Variants in SSH2 observed in about 807,000 individuals in gnomAD.
SSH2 encodes the protein slingshot protein phosphatase 2, also known as protein phosphatase Slingshot homolog 2.
Under a neutral mutation model 135.2 loss-of-function variants are expected in SSH2, and 37 were observed. The ratio of observed to expected loss-of-function variants is 0.27; its 90% CI spans 0.21 to 0.36. The LOEUF (loss-of-function observed/expected upper bound fraction) is 0.36. Among genes scored for constraint, SSH2 ranks in the 10% least tolerant of loss-of-function variants. The pLI is 1.00. For synonymous variants in SSH2, 628 were observed against 646.2 expected, an observed-to-expected ratio of 0.97 and a Z score of 0.43; for missense variants, 1,408 against 1,765.3, an observed-to-expected ratio of 0.80 and a Z score of 3.63.
At chr17:29,809,244 ACT>A (rs2151324010) in intron 2 of SSH2, among the ~76,000 whole-genome samples, 1 of 152,260 alleles carries the variant, frequency 6.6e-6, no homozygotes, top group East Asian at 1.9e-4. Flanking sequence ...ACAGAGTGAG[ACT>A]CTGTCTCTAA....
chr17:29,837,239 G>A (rs571732217), intron 2 of SSH2, among the ~76,000 whole-genome samples: 4 of 149,804 alleles, frequency 2.7e-5, no homozygotes, highest in African/African-American at 4.9e-5. Context: ...CCTAGGTGAC[G>A]CAACAGAGTG....
At chr17:29,870,474 T>G (rs1297334460) in intron 1 of SSH2, among the ~76,000 whole-genome samples, 1 of 152,192 alleles carries the variant, frequency 6.6e-6, no homozygotes, top group East Asian at 1.9e-4. Context: ...ATACCCTTTA[T>G]GAGGTTTTGA....
intron 9 of SSH2, among the ~76,000 whole-genome samples, chr17:29,670,349 C>T (rs1305405210): frequency 6.6e-6 from 1 of 152,146 alleles, no homozygotes; most frequent in Non-Finnish European, 1.5e-5. Flanking sequence ...TCCCATGAAC[C>T]TTTATCTTTT....
At chr17:29,776,297 T>G (rs1423572700) in intron 3 of SSH2, 1 of 152,152 alleles carries the variant, frequency 6.6e-6, no homozygotes, top group Non-Finnish European at 1.5e-5. Flanking sequence ...CTTCAGGACG[T>G]GAGAAAAATA....
chr17:29,791,836 C>T (rs1443359215), intron 3 of SSH2, among the ~76,000 whole-genome samples: 1 of 151,734 alleles, frequency 6.6e-6, no homozygotes, highest in African/African-American at 2.4e-5. Context: ...TAGAAGAAGC[C>T]TGCAAAAACC....
At chr17:29,836,528 T>A (rs1349966509) in intron 2 of SSH2, among the ~76,000 whole-genome samples, 1 of 152,142 alleles carries the variant, frequency 6.6e-6, no homozygotes, top group Non-Finnish European at 1.5e-5. Flanking sequence ...AACAAGAATA[T>A]CTCTTCTAGA....
chr17:29,778,358 G>T (rs932260998), intron 3 of SSH2, among the ~76,000 whole-genome samples: 1 of 152,156 alleles, frequency 6.6e-6, no homozygotes, highest in Non-Finnish European at 1.5e-5. Flanking sequence ...CATGTAGCCT[G>T]GATGGGCGTG....
chr17:29,675,311 CT>C (rs940461256), intron 8 of SSH2, among the ~76,000 whole-genome samples: 4 of 152,104 alleles, frequency 2.6e-5, no homozygotes, highest in African/African-American at 9.7e-5. Context: ...TCCCTGGGGT[CT>C]TTTTCAGGCT....
intron 6 of SSH2, among the ~76,000 whole-genome samples, chr17:29,678,709 A>ATT (rs1555610338): frequency 5.8e-5 from 3 of 52,088 alleles, no homozygotes; most frequent in Non-Finnish European, 1.1e-4. Flanking sequence ...TAAAAATACT[A>ATT]TTTCTTTTTT....
chr17:29,631,133 AGTT>A lies in SSH2; in HGVS notation c.4058_4060del (p.Gln1353del). On this transcript the variant is annotated inframe_deletion, in exon 16 of 16. Coordinates refer to ENST00000540801, the MANE Select transcript of SSH2 (RefSeq NM_001282129.2). ...CTGCACAATACACTCTGTTGTTGTG[AGTT>A]GTTCTACAAAAGACTTGGTGGGCTC... 1 of 1,614,094 alleles carries A rather than the reference AGTT, an allele frequency of 6.2e-7. No individual in the cohort carries two copies. The highest frequency in any genetic ancestry group is 8.5e-7 in the Non-Finnish European group (1 of 1,180,026).
In SSH2 at chr17:29,629,791, A is replaced by C. The variant is rs1243791022; in HGVS notation, c.*1050T>G. 1 of 152,604 alleles carries C rather than the reference A, an allele frequency of 6.6e-6. No individual in the cohort carries two copies. The highest frequency in any genetic ancestry group is 1.5e-5 in the Non-Finnish European group (1 of 68,030). The allele number at this position is 152,604 out of a possible 1,614,324, so 9.5% of individuals were successfully genotyped here. A position where few individuals can be genotyped will look rare whatever the true frequency, so the allele number is the denominator to read the frequency against. On this transcript the variant is annotated 3_prime_UTR_variant, in exon 16 of 16. Transcript: ENST00000540801. ...GTTAAACATATGTAACAATTCAAATATAATCTATGAAATTTAAAAAAATAG... is the reference window on the plus strand; with the variant it reads ...GTTAAACATATGTAACAATTCAAATCTAATCTATGAAATTTAAAAAAATAG...
chr17:29,891,072 G>A (rs900143016), intron 1 of SSH2, among the ~76,000 whole-genome samples: 2 of 152,122 alleles, frequency 1.3e-5, no homozygotes, highest in Non-Finnish European at 2.9e-5. Context: ...ATCTTTAAAA[G>A]ATCATCCTGT....
chr17:29,842,139 G>GGGGGGT lies in SSH2; in HGVS notation c.144+6709_144+6710insACCCCC, dbSNP rs79157063. The stretch of plus-strand genomic sequence containing the variant: ...TCACAGAGATCCTGATTTAACTGGA[G>GGGGGGT]GAGACCCTGTTATTAATTTAAAAGA... On this transcript the variant is annotated intron_variant, in intron 2 of 15. Transcript: ENST00000540801. Among the ~76,000 whole-genome samples the GGGGGGT allele has an allele frequency of 3.3e-5, 5 of 150,862 alleles. No homozygotes were observed. The East Asian group carries it at 7.8e-4, about 24-fold the overall frequency.
At chr17:29,920,701 C>CT in intron 1 of SSH2, among the ~76,000 whole-genome samples, 1 of 152,032 alleles carries the variant, frequency 6.6e-6, no homozygotes, top group Non-Finnish European at 1.5e-5. Flanking sequence ...AAAAATAATA[C>CT]TATAAATAGC....
intron 3 of SSH2, among the ~76,000 whole-genome samples, chr17:29,720,428 T>C (rs2151165630): frequency 6.6e-6 from 1 of 152,346 alleles, no homozygotes; most frequent in East Asian, 1.9e-4. Flanking sequence ...AAAAATATAT[T>C]GCCAGTAGGA....
rs188719772 is a variant in SSH2, at chr17:29,683,362, T to C, written c.479+1201A>G. On this transcript the variant is annotated intron_variant, in intron 6 of 15. Transcript: ENST00000540801. The stretch of plus-strand genomic sequence containing the variant: ...AAAAGGCCAGGTGTTGTGTGTCATC[T>C]TTCATCATAGAATGTAAAGTACAGC... Among the ~76,000 whole-genome samples the C allele has an allele frequency of 3.5e-4, 54 of 152,300 alleles. 1 individual carries two copies. Among genetic ancestry groups the C allele is most frequent in the Admixed American group, 3.4e-3 (52 of 15,288 alleles).
intron 9 of SSH2, among the ~76,000 whole-genome samples, chr17:29,669,875 T>C (rs1302919242): frequency 2.0e-5 from 3 of 150,556 alleles, no homozygotes; most frequent in Non-Finnish European, 3.0e-5. Context: ...TCTTCTCTAA[T>C]AAAATCTTTT....
chr17:29,857,898 CT>C (rs1275149318), intron 1 of SSH2, among the ~76,000 whole-genome samples: 3 of 152,226 alleles, frequency 2.0e-5, no homozygotes, highest in Non-Finnish European at 4.4e-5. Context: ...TCATTTCCCC[CT>C]ATTCCAACCC....
At chr17:29,783,070 G>A (rs1260867944) in intron 3 of SSH2, among the ~76,000 whole-genome samples, 1 of 151,960 alleles carries the variant, frequency 6.6e-6, no homozygotes, top group East Asian at 1.9e-4. Flanking sequence ...GGGGGCCATT[G>A]AATTGGGAGT....
Sources: gnomAD v4.1 joint callset for allele counts (sites outside exome capture counted in the v4.1 genomes callset) on GRCh38, gnomAD v4.1.1 for gene constraint, MANE v1.5 for transcripts, NCBI Gene and HGNC (gene_info 2026-07-23, HGNC 2026-07-21) for gene names.